LY6K: variants seen among roughly 807,000 people sequenced by gnomAD.
LY6K encodes lymphocyte antigen 6 family member K.
In LY6K, 9 loss-of-function variants were observed where a neutral mutation model predicts 10.4. That is an observed-to-expected ratio of 0.87 (90% confidence interval 0.52 to 1.52). The LOEUF is 1.52. Among genes scored for constraint, LY6K ranks in the 40% most tolerant of loss-of-function variants. The probability of loss-of-function intolerance (pLI) is 0.00; values close to 1 mark genes in which losing one functional copy is unlikely to be tolerated. For missense variants in LY6K, 217 were observed against 211.7 expected (o/e 1.02, Z -0.15); for synonymous variants, 98 against 83.7 (o/e 1.17, Z -0.94).
rs1815048102 is a variant in LY6K at position 142,701,820 on chromosome 8, G to A, written c.217+107G>A. On this transcript the variant is annotated intron_variant, in intron 2 of 2. Coordinates refer to ENST00000292430, the MANE Select transcript of LY6K (RefSeq NM_017527.4). ...AATGGGGAATAACTAATAGAAAGTA[G>A]CCTTTTTTTTTTTTTATTTTCTGAG... The A allele has an allele frequency of 7.5e-6, 5 of 670,002 alleles. No homozygotes were observed. In the South Asian group the frequency reaches 8.4e-5, roughly 11 times the overall value. The allele number at this position is 670,002 out of a possible 1,614,324, so 41.5% of individuals were successfully genotyped here. A position where few individuals can be genotyped will look rare whatever the true frequency, so the allele number is the denominator to read the frequency against.
At chr8:142,701,565 G>C in intron 1 of LY6K, 35 bp from the exon 2 acceptor site, 6 of 1,422,414 alleles carry the variant, frequency 4.2e-6, no homozygotes, top group Non-Finnish European at 5.0e-6. Flanking sequence ...CGGAGAACTG[G>C]AACATTCTGC....
rs587754695 is a variant in LY6K, at chr8:142,703,335, G to A, written c.462G>A (p.Leu154=). ...CGGLWLAILL[L]LASIAAGLSL... is the part of the protein sequence containing the mutation. ...GGCTGTGGCTGGCCATCCTCCTGCTGCTGGCCTCCATTGCAGCCGGCCTCA... is the reference window on the plus strand; with the variant it reads ...GGCTGTGGCTGGCCATCCTCCTGCTACTGGCCTCCATTGCAGCCGGCCTCA... Residue 154 remains leucine (L), a synonymous_variant, in exon 3 of 3, where the codon CTG becomes CTA. Transcript: ENST00000292430. The A allele has an allele frequency of 1.2e-5, 20 of 1,612,500 alleles. No individual in the cohort carries two copies. The African/African-American group carries it at 2.3e-4, about 18-fold the overall frequency.
chr8:142,703,511 A>C lies in LY6K; in HGVS notation c.*140A>C, dbSNP rs1815127384. Reference sequence around the variant, plus strand: ...GTCTTGGGATGGGAGAGTGGGGATCAGGTGCAGTTGGCTCTTAACCCTCAA... The same window carrying C: ...GTCTTGGGATGGGAGAGTGGGGATCCGGTGCAGTTGGCTCTTAACCCTCAA... On this transcript the variant is annotated 3_prime_UTR_variant, in exon 3 of 3. Coordinates refer to ENST00000292430, the MANE Select transcript of LY6K (RefSeq NM_017527.4). The C allele has an allele frequency of 2.9e-6, 3 of 1,022,422 alleles. No individual in the cohort carries two copies. The highest frequency in any genetic ancestry group is 4.2e-6 in the Non-Finnish European group (3 of 721,106). 63.3% of individuals were successfully genotyped at this position (1,022,422 alleles called of 1,614,324 possible). A position where few individuals can be genotyped will look rare whatever the true frequency, so the allele number is the denominator to read the frequency against.
chr8:142,700,559 C>T lies in LY6K; in HGVS notation c.32C>T (p.Ala11Val). The T allele has an allele frequency of 6.3e-7, 1 of 1,588,148 alleles. No individual in the cohort carries two copies. The highest frequency in any genetic ancestry group is 8.6e-7 in the Non-Finnish European group (1 of 1,169,316). The change falls in exon 1 of 3, where the codon GCC (alanine) becomes GTC (valine). Residue 11 changes from alanine to valine, a missense_variant. Transcript: ENST00000292430. MALLALLLVV[A>V]LPRVWTDANL... ...CTGCTCGCCTTGCTGCTGGTCGTGG[C>T]CCTACCGCGGGTGTGGACAGACGCC...
chr8:142,703,023 C>G (rs781978449), intron 2 of LY6K, 68 bp from the exon 3 acceptor site: 2 of 1,595,352 alleles, frequency 1.3e-6, no homozygotes, highest in Non-Finnish European at 1.7e-6. Flanking sequence ...TTGACCCAGA[C>G]AGAAGGGCCT....
intron 2 of LY6K, chr8:142,702,426 T>C (rs1554640306): frequency 7.6e-6 from 11 of 1,451,178 alleles, no homozygotes; most frequent in Non-Finnish European, 1.0e-5. Context: ...TCATCTGTGA[T>C]TCCCCTGAAA....
intron 1 of LY6K, 97 bp from the exon 2 acceptor site, chr8:142,701,503 G>C: frequency 2.6e-6 from 2 of 767,286 alleles, no homozygotes; most frequent in Non-Finnish European, 4.5e-6. Flanking sequence ...GAAGGATGGG[G>C]ACCCGCCGAG....
At chr8:142,700,772 G>C (rs1362433973) in intron 1 of LY6K, 142 bp downstream of exon 1, 3 of 890,110 alleles carry the variant, frequency 3.4e-6, no homozygotes, top group Non-Finnish European at 3.1e-6. Flanking sequence ...AGCCTCTGGG[G>C]AGCCTCGCCT....
At chr8:142,701,224 G>A (rs1815017191) in intron 1 of LY6K, among the ~76,000 whole-genome samples, 1 of 152,232 alleles carries the variant, frequency 6.6e-6, no homozygotes, top group African/African-American at 2.4e-5. Context: ...GGGAGGACGG[G>A]GGAGCCCCCA....
At chr8:142,702,631 A>G (rs1554640343) in intron 2 of LY6K, 1 of 1,532,952 alleles carries the variant, frequency 6.5e-7, no homozygotes, top group East Asian at 2.5e-5. Context: ...TTTATAACTT[A>G]ATATGGCAAA....
intron 2 of LY6K, 95 bp downstream of exon 2, chr8:142,701,808 T>G (rs1444446913): frequency 2.7e-6 from 2 of 738,218 alleles, no homozygotes; most frequent in Admixed American, 5.0e-5. Context: ...GGGGAATAAC[T>G]AATAGAAAGT....
Position 142,701,592 on chromosome 8 carries a change from C to T in LY6K, c.104-8C>T. ...ACATTCTGCTTTCTTTTTTATTCCT[C>T]CTTTCAGACGAGGGTGACAATAGAG... is the stretch of plus-strand genomic sequence containing the variant. On this transcript the variant is annotated splice_region_variant and splice_polypyrimidine_tract_variant and intron_variant, in intron 1 of 2. Transcript: ENST00000292430. 2 of 1,576,936 alleles carry T rather than the reference C, an allele frequency of 1.3e-6. No homozygotes were observed. The highest frequency in any genetic ancestry group is 1.7e-6 in the Non-Finnish European group (2 of 1,146,238).
Position 142,703,376 on chromosome 8 carries a change from C to A in LY6K, c.*5C>A. On this transcript the variant is annotated 3_prime_UTR_variant, in exon 3 of 3. Transcript: ENST00000292430. Reference sequence around the variant, plus strand: ...GCCGGCCTCAGCCTGTCTTGAGCCACGGGACTGCCACAGACTGAGCCTTCC... The same window carrying A: ...GCCGGCCTCAGCCTGTCTTGAGCCAAGGGACTGCCACAGACTGAGCCTTCC... 6.2e-7 allele frequency: 1 copy of A among 1,606,732 alleles called. No homozygotes were observed. Among genetic ancestry groups the A allele is most frequent in the East Asian group, 2.2e-5 (1 of 44,792 alleles).
chr8:142,701,235 G>A (rs1815018293), intron 1 of LY6K, among the ~76,000 whole-genome samples: 1 of 152,234 alleles, frequency 6.6e-6, no homozygotes, highest in Non-Finnish European at 1.5e-5. Flanking sequence ...GGAGCCCCCA[G>A]GAGAGAAGAA....
rs782244339 is a variant in LY6K, at chr8:142,704,852, TTTCTC to T, written c.*1484_*1488del. 1 of 152,202 alleles carries T rather than the reference TTTCTC, an allele frequency of 6.6e-6. No individual in the cohort carries two copies. The highest frequency in any genetic ancestry group is 1.9e-4 in the East Asian group (1 of 5,200). 9.4% of individuals were successfully genotyped at this position (152,202 alleles called of 1,614,324 possible). On this transcript the variant is annotated 3_prime_UTR_variant, in exon 3 of 3. Coordinates refer to ENST00000292430, the MANE Select transcript of LY6K (RefSeq NM_017527.4). ...TTGTTTAAAATGGCCATAGAACGCT[TTTCTC>T]TTATCTGCAGCTGAGCTGGGAGAAA...
chr8:142,703,144 G>C lies in LY6K; in HGVS notation c.271G>C (p.Ala91Pro), dbSNP rs1392684235. 1 of 1,614,258 alleles carries C rather than the reference G, an allele frequency of 6.2e-7. No homozygotes were observed. Among genetic ancestry groups the C allele is most frequent in the Non-Finnish European group, 8.5e-7 (1 of 1,180,048 alleles). Reference sequence around the variant, plus strand: ...GAAGCAGTGCTCCGCTGGTTGTGCAGCGATGGAGAGACCCAAGCCAGAGGA... The same window carrying C: ...GAAGCAGTGCTCCGCTGGTTGTGCACCGATGGAGAGACCCAAGCCAGAGGA... ...VAKQCSAGCA[A>P]MERPKPEEKR... is the part of the protein sequence containing the mutation. The change falls in exon 3 of 3, where the codon GCG (alanine) becomes CCG (proline). Residue 91 changes from alanine to proline, a missense_variant. Physicochemically the swap from Ala to Pro is conservative, Grantham distance 27 (BLOSUM62 -1). Transcript: ENST00000292430.
At chr8:142,702,851 T>C in intron 2 of LY6K, 1 of 1,534,704 alleles carries the variant, frequency 6.5e-7, no homozygotes, top group Middle Eastern at 1.7e-4. Flanking sequence ...CAGCAACCCC[T>C]AGACCCGCAT....
At position 142,703,156 on chromosome 8, in the gene LY6K, C is replaced by T; in HGVS notation, c.283C>T (p.Pro95Ser). 1 of 1,614,224 alleles carries T rather than the reference C, an allele frequency of 6.2e-7. No homozygotes were observed. The part of the protein sequence containing the change: ...CSAGCAAMER[P>S]KPEEKRFLLE... ...CGCTGGTTGTGCAGCGATGGAGAGA[C>T]CCAAGCCAGAGGAGAAGCGGTTTCT... Residue 95 changes from proline (P) to serine (S), a missense_variant, in exon 3 of 3, where the codon CCC becomes TCC. Physicochemically the swap from Pro to Ser is moderately conservative, Grantham distance 74 (BLOSUM62 -1). Transcript: ENST00000292430.
Position 142,703,318 on chromosome 8 carries a change from C to T in LY6K, c.445C>T (p.Leu149=). 1 of 1,613,190 alleles carries T rather than the reference C, an allele frequency of 6.2e-7. No individual in the cohort carries two copies. The change falls in exon 3 of 3, where the codon CTG becomes TTG. Residue 149 remains leucine, a synonymous_variant. Coordinates refer to ENST00000292430, the MANE Select transcript of LY6K (RefSeq NM_017527.4). ...GGGTGAGAGCTGTGGTGGGCTGTGG[C>T]TGGCCATCCTCCTGCTGCTGGCCTC... ...SMGESCGGLW[L]AILLLLASIA...
Sources: allele counts gnomAD v4.1 joint callset (sites outside exome capture counted in the v4.1 genomes callset), GRCh38; gene constraint gnomAD v4.1.1; transcripts MANE v1.5; gene names NCBI Gene and HGNC (gene_info 2026-07-23, HGNC 2026-07-21).